ACSM1: variants seen among roughly 807,000 people sequenced by gnomAD.
ACSM1 encodes the protein acyl-CoA synthetase medium chain family member 1, also known as acyl-coenzyme A synthetase ACSM1, mitochondrial.
Under a neutral mutation model 75.8 loss-of-function variants are expected in ACSM1, and 79 were observed. That is an observed-to-expected ratio of 1.04 (90% CI 0.87 to 1.26). The LOEUF (loss-of-function observed/expected upper bound fraction) is 1.26. Ranked by LOEUF, ACSM1 falls within the 50% of genes most tolerant of loss-of-function variation. The pLI is 0.00. For missense variants in ACSM1, 676 were observed against 720.1 expected (o/e 0.94, Z 0.70); for synonymous variants, 279 against 265.8 (o/e 1.05, Z -0.48).
At chr16:20,685,443 A>G (rs2079530233) in intron 2 of ACSM1, 40 bp from the exon 3 acceptor site, 3 of 1,589,900 alleles carry the variant, frequency 1.9e-6, no homozygotes, top group Non-Finnish European at 2.6e-6. Flanking sequence ...TTCTGCTTCA[A>G]AGAAAAAGGG....
chr16:20,684,698 G>T (rs2079514497), intron 3 of ACSM1, among the ~76,000 whole-genome samples: 1 of 152,178 alleles, frequency 6.6e-6, no homozygotes, highest in Admixed American at 6.5e-5. Context: ...GGTGTTCATA[G>T]GTGTCACAAT....
intron 7 of ACSM1, among the ~76,000 whole-genome samples, chr16:20,652,937 A>G (rs923600156): frequency 1.5e-4 from 23 of 152,200 alleles, no homozygotes; most frequent in Non-Finnish European, 2.8e-4. Context: ...AAAGCCTGGC[A>G]GAGACACAAC....
intron 11 of ACSM1, among the ~76,000 whole-genome samples, chr16:20,626,370 A>T (rs184132949): frequency 0.033 from 5,051 of 151,470 alleles, 261 homozygotes; most frequent in African/African-American, 0.12. Flanking sequence ...TAAAATAAAA[A>T]ATAAAATAAA....
Position 20,648,054 on chromosome 16 carries a change from G to C in ACSM1, c.993-7470C>G, listed in dbSNP as rs4102380. 0.12 allele frequency among the ~76,000 whole-genome samples: 18,364 copies of C among 152,114 alleles called. 1,622 individuals carry two copies. Among genetic ancestry groups the C allele is most frequent in the East Asian group, 0.49 (2,546 of 5,148 alleles). ...GCCTCCACAGTCGCGATGGCCCCCT[G>C]CTCCCACTTTACTTCTCAAATTGTC... On this transcript the variant is annotated intron_variant, in intron 7 of 13. Transcript: ENST00000520010. This position sits in a 1 kb window ranked among gnomAD's most constrained non-coding sequence, Gnocchi z 4.2.
chr16:20,624,079 C>T lies in ACSM1; in HGVS notation c.1647+17G>A. 6.2e-7 allele frequency: 1 copy of T among 1,610,218 alleles called. No individual in the cohort carries two copies. Among genetic ancestry groups the T allele is most frequent in the Non-Finnish European group, 8.5e-7 (1 of 1,177,478 alleles). On this transcript the variant is annotated intron_variant, in intron 13 of 13. Transcript: ENST00000520010. ...CGCTTCAGGGCCACCAGATCCCTTC[C>T]ATCTGCCCTCACTCACCTTCCTTGG...
rs530098461 is a variant in ACSM1 at position 20,627,924 on chromosome 16, T to C, written c.1300-608A>G. Among the ~76,000 whole-genome samples, 325 of 92,758 alleles carry C rather than the reference T, an allele frequency of 3.5e-3. 2 individuals carry two copies. The highest frequency in any genetic ancestry group is 7.6e-3 in the South Asian group (21 of 2,746). The allele number at this position is 92,758 out of a possible 152,430, so 60.9% of individuals were successfully genotyped here. ...TATATATATATATATATATATATAT[T>C]CATTTTGTGTGACACTACACTAGAA... is the stretch of plus-strand genomic sequence containing the variant. On this transcript the variant is annotated intron_variant, in intron 10 of 13. Coordinates refer to ENST00000520010, the MANE Select transcript of ACSM1 (RefSeq NM_001318890.3).
At chr16:20,649,403 A>G (rs1481548729) in intron 7 of ACSM1, among the ~76,000 whole-genome samples, 4 of 152,226 alleles carry the variant, frequency 2.6e-5, no homozygotes, top group Non-Finnish European at 5.9e-5. Context: ...ACTGCCCTGC[A>G]AAGTCCCTTG....
chr16:20,676,867 A>AT (rs1227960382), intron 4 of ACSM1, among the ~76,000 whole-genome samples: 2 of 152,176 alleles, frequency 1.3e-5, no homozygotes, highest in South Asian at 2.1e-4. Flanking sequence ...AGGCCATGGT[A>AT]TAAAAAAAAA....
chr16:20,682,325 G>C lies in ACSM1; in HGVS notation c.542C>G (p.Ser181Cys), dbSNP rs2152311016. 1.2e-6 allele frequency: 2 copies of C among 1,614,032 alleles called. No individual in the cohort carries two copies. The highest frequency in any genetic ancestry group is 1.7e-6 in the Non-Finnish European group (2 of 1,179,986). The change falls in exon 4 of 14, where the codon TCT (serine) becomes TGT (cysteine). Residue 181 changes from serine to cysteine, a missense_variant. Transcript: ENST00000520010. The stretch of plus-strand genomic sequence containing the variant: ...AGACACCAGGAGCTTGGTTTTCAGA[G>C]AGGGGCACTGAGAAGCTATGGAGTC... Reference protein sequence around the residue: ...EVDSIASQCPSLKTKLLVSDH... With the variant: ...EVDSIASQCPCLKTKLLVSDH...
chr16:20,642,039 CT>C (rs1242741328), intron 7 of ACSM1, among the ~76,000 whole-genome samples: 3 of 152,196 alleles, frequency 2.0e-5, no homozygotes, highest in Admixed American at 6.5e-5. Flanking sequence ...CAGTGAAGCA[CT>C]TTTGCCCATG....
chr16:20,655,576 G>C (rs2018914740), intron 7 of ACSM1, among the ~76,000 whole-genome samples: 1 of 151,932 alleles, frequency 6.6e-6, no homozygotes, highest in Non-Finnish European at 1.5e-5. Context: ...TCTAGAGATG[G>C]GTCTTTAATA....
intron 10 of ACSM1, among the ~76,000 whole-genome samples, chr16:20,629,907 A>C (rs2017231364): frequency 6.7e-6 from 1 of 149,760 alleles, no homozygotes; most frequent in South Asian, 2.1e-4. Flanking sequence ...CAAGAGAATC[A>C]CTTGAACCAG....
At chr16:20,662,749 TTTCAATCTCTAGCCTCTATCTC>T (rs1032059994) in intron 6 of ACSM1, among the ~76,000 whole-genome samples, 1 of 152,182 alleles carries the variant, frequency 6.6e-6, no homozygotes, top group African/African-American at 2.4e-5. Context: ...CCCAATCAGC[TTTCAATCTCTAGCCTCTATCTC>T]TTTAATATCT....
At chr16:20,654,783 C>A (rs1462969349) in intron 7 of ACSM1, among the ~76,000 whole-genome samples, 2 of 152,202 alleles carry the variant, frequency 1.3e-5, no homozygotes, top group African/African-American at 4.8e-5. Context: ...AATAGGAACA[C>A]TTTTACACTG....
intron 10 of ACSM1, among the ~76,000 whole-genome samples, chr16:20,634,772 T>C (rs1309306288): frequency 1.3e-5 from 2 of 152,194 alleles, no homozygotes; most frequent in Non-Finnish European, 2.9e-5. Context: ...GTAATCGTGA[T>C]GGCTGTACAA....
At chr16:20,639,698 C>T (rs1393311701) in intron 8 of ACSM1, among the ~76,000 whole-genome samples, 2 of 152,226 alleles carry the variant, frequency 1.3e-5, no homozygotes, top group Non-Finnish European at 2.9e-5. Context: ...CTCTGGTTGG[C>T]ATCAAACAAT....
chr16:20,673,974 A>G, intron 4 of ACSM1: 1 of 334,184 alleles, frequency 3.0e-6, no homozygotes, highest in Non-Finnish European at 6.1e-6. Context: ...AAGAGAGGGC[A>G]AGGAACTAGG....
chr16:20,682,922 C>T (rs1048570693), intron 3 of ACSM1, among the ~76,000 whole-genome samples: 1 of 152,032 alleles, frequency 6.6e-6, no homozygotes, highest in African/African-American at 2.4e-5. Flanking sequence ...TTCTGTATTT[C>T]ACCACATTGT....
In ACSM1 at chr16:20,648,050, C is replaced by T. The variant is rs1279869670; in HGVS notation, c.993-7466G>A. On this transcript the variant is annotated intron_variant, in intron 7 of 13. Transcript: ENST00000520010. This position sits in a 1 kb window ranked among gnomAD's most constrained non-coding sequence, Gnocchi z 4.2. ...TGCAGCCTCCACAGTCGCGATGGCC[C>T]CCTGCTCCCACTTTACTTCTCAAAT... Among the ~76,000 whole-genome samples the T allele has an allele frequency of 6.6e-6, 1 of 152,148 alleles. No homozygotes were observed. Among genetic ancestry groups the T allele is most frequent in the Admixed American group, 6.5e-5 (1 of 15,272 alleles).
Sources: gnomAD v4.1 joint callset for allele counts (sites outside exome capture counted in the v4.1 genomes callset) on GRCh38, gnomAD v4.1.1 for gene constraint, Gnocchi (gnomAD v3.1) non-coding constraint, MANE v1.5 for transcripts, NCBI Gene and HGNC (gene_info 2026-07-23, HGNC 2026-07-21) for gene names.